The following NEK1 variants were observed in gnomAD, a reference collection of about 807,000 sequenced individuals.
NEK1 encodes serine/threonine-protein kinase Nek1.
A neutral mutation model predicts 182.1 loss-of-function variants in NEK1; 137 were observed. The observed-to-expected ratio is 0.75, with a 90% confidence interval of 0.65 to 0.87. The LOEUF (loss-of-function observed/expected upper bound fraction) is 0.87, where lower values mean the gene tolerates loss of function less well. NEK1 is among the 40% of genes least tolerant of loss of function. The probability of loss-of-function intolerance (pLI) is 0.00; values close to 1 mark genes in which losing one functional copy is unlikely to be tolerated. For synonymous variants in NEK1, 513 were observed against 492.2 expected, an observed-to-expected ratio of 1.04 and a Z score of -0.56; for missense variants, 1,391 against 1,494.4, an observed-to-expected ratio of 0.93 and a Z score of 1.14.
intron 6 of NEK1, 97 bp from the exon 7 acceptor site, chr4:169,589,611 T>C (rs954798546): frequency 6.3e-6 from 5 of 791,500 alleles, no homozygotes; most frequent in African/African-American, 1.8e-5. Context: ...GTTAAAAAAA[T>C]TGTGCTAGAG....
chr4:169,568,744 G>A (rs1438650002), intron 12 of NEK1, among the ~76,000 whole-genome samples: 1 of 151,978 alleles, frequency 6.6e-6, no homozygotes, highest in East Asian at 1.9e-4. Context: ...AGGCCAGCCT[G>A]GCCAACATGG....
chr4:169,426,156 G>A lies in NEK1; in HGVS notation c.2964C>T (p.Asp988=). ...GVSSTVDQLS[D]IHIEPGTNDS... ...TGCAATGATGCTTACCTATATGAAT[G>A]TCACTAAGTTGGTCCACAGTACTCG... The change falls in exon 30 of 36, where the codon GAC becomes GAT. Residue 988 remains aspartate (D), a synonymous_variant. Transcript: ENST00000507142. 1 of 1,612,562 alleles carries A rather than the reference G, an allele frequency of 6.2e-7. No homozygotes were observed.
chr4:169,454,609 C>A (rs939352705), intron 27 of NEK1, among the ~76,000 whole-genome samples: 1 of 152,110 alleles, frequency 6.6e-6, no homozygotes, highest in Admixed American at 6.6e-5. Flanking sequence ...TAGAGAAATG[C>A]AAATCAAAGC....
chr4:169,484,117 A>G (rs1003774950), intron 23 of NEK1, among the ~76,000 whole-genome samples: 10 of 152,248 alleles, frequency 6.6e-5, no homozygotes, highest in Admixed American at 4.6e-4. Flanking sequence ...TAAAAGAAAT[A>G]TACTTTGAAT....
rs973864338 is a variant in NEK1, at chr4:169,534,830, A to C, written c.1665+2979T>G. 1.3e-5 allele frequency among the ~76,000 whole-genome samples: 2 copies of C among 152,222 alleles called. 1 individual carries two copies. The stretch of plus-strand genomic sequence containing the variant: ...GGTATCCAACTACAAATTACCAGAC[A>C]TGTAAAGAAAAAAAGATGACCCTAA... On this transcript the variant is annotated intron_variant, in intron 19 of 35. Coordinates refer to ENST00000507142, the MANE Select transcript of NEK1 (RefSeq NM_001199397.3).
At chr4:169,471,464 A>G (rs543329481) in intron 26 of NEK1, among the ~76,000 whole-genome samples, 4 of 152,312 alleles carry the variant, frequency 2.6e-5, no homozygotes, top group Non-Finnish European at 5.9e-5. Flanking sequence ...GCTGCAGAAC[A>G]GCAAATATTG....
At chr4:169,549,354 C>T (rs1356334475) in intron 18 of NEK1, among the ~76,000 whole-genome samples, 1 of 152,228 alleles carries the variant, frequency 6.6e-6, no homozygotes. Context: ...AATCACACGC[C>T]TTCTGTGCCG....
Position 169,588,634 on chromosome 4 carries a change from T to A in NEK1, c.551+15A>T. ...GAAAGCAAATACATCACATAATGAA[T>A]ATCATTTTAAATACCTTTTATTATT... On this transcript the variant is annotated intron_variant, in intron 8 of 35. Transcript: ENST00000507142. 6.9e-7 allele frequency: 1 copy of A among 1,448,802 alleles called. No homozygotes were observed. The highest frequency in any genetic ancestry group is 9.5e-7 in the Non-Finnish European group (1 of 1,056,260). The allele number at this position is 1,448,802 out of a possible 1,614,324, so 89.7% of individuals were successfully genotyped here.
intron 23 of NEK1, among the ~76,000 whole-genome samples, chr4:169,496,900 A>T (rs1751420964): frequency 6.6e-6 from 1 of 152,226 alleles, no homozygotes. Flanking sequence ...CTTTGGTATC[A>T]GGATGATGTT....
intron 6 of NEK1, among the ~76,000 whole-genome samples, chr4:169,590,386 TA>T (rs1561471445): frequency 6.6e-6 from 1 of 151,778 alleles, no homozygotes; most frequent in African/African-American, 2.4e-5. Context: ...CCCATTTATA[TA>T]AAATGTCCAG....
intron 19 of NEK1, among the ~76,000 whole-genome samples, chr4:169,525,361 C>T (rs1033576864): frequency 2.6e-5 from 4 of 152,092 alleles, no homozygotes; most frequent in African/African-American, 9.7e-5. Flanking sequence ...AACTCCTGAC[C>T]TCAGGTGATC....
At chr4:169,609,060 C>CA (rs540854284) in intron 2 of NEK1, among the ~76,000 whole-genome samples, 14,516 of 82,202 alleles carry the variant, frequency 0.18, 970 homozygotes, top group East Asian at 0.25. Context: ...GACTCCTTCT[C>CA]AAAAAAAAAA....
At chr4:169,478,021 T>C (rs542780997) in intron 24 of NEK1, among the ~76,000 whole-genome samples, 1 of 152,166 alleles carries the variant, frequency 6.6e-6, no homozygotes, top group South Asian at 2.1e-4. Flanking sequence ...ACAAAGAGTG[T>C]AACAAAAATT....
At chr4:169,477,801 A>AAAATTAGAGGAAAAAGTAG (rs199894564) in intron 24 of NEK1, among the ~76,000 whole-genome samples, 1 of 151,852 alleles carries the variant, frequency 6.6e-6, no homozygotes, top group Non-Finnish European at 1.5e-5. Context: ...TTTAAGTCAG[A>AAAATTAGAGGAAAAAGTAG]AAATTAGAGG....
chr4:169,460,880 T>C (rs2049574294), intron 27 of NEK1, among the ~76,000 whole-genome samples: 1 of 152,114 alleles, frequency 6.6e-6, no homozygotes, highest in African/African-American at 2.4e-5. Flanking sequence ...TAAGACAAAC[T>C]GTTATGAAAA....
intron 19 of NEK1, among the ~76,000 whole-genome samples, chr4:169,511,893 T>C (rs1438459456): frequency 6.6e-6 from 1 of 152,150 alleles, no homozygotes; most frequent in Non-Finnish European, 1.5e-5. Flanking sequence ...TTTCATTCAA[T>C]ATAATTATAT....
intron 4 of NEK1, among the ~76,000 whole-genome samples, chr4:169,600,349 C>T (rs975972387): frequency 6.6e-6 from 1 of 152,044 alleles, no homozygotes; most frequent in Admixed American, 6.6e-5. Flanking sequence ...ACCACCACAC[C>T]TGGCTAATTT....
chr4:169,446,728 C>A (rs575680195), intron 27 of NEK1, among the ~76,000 whole-genome samples: 1 of 152,126 alleles, frequency 6.6e-6, no homozygotes, highest in African/African-American at 2.4e-5. Flanking sequence ...TAAAAAGAAT[C>A]AAGCAGAAAT....
rs1424346536 is a variant in NEK1 at position 169,589,489 on chromosome 4, G to C, written c.422C>G (p.Thr141Arg). Reference protein sequence around the residue: ...SQNIFLTKDGTVQLGDFGIAR... With the variant: ...SQNIFLTKDGRVQLGDFGIAR... ...AATTCCAAAATCTCCAAGTTGTACT[G>C]TTCCATCTTTAGTTAAAAATATGTT... is the stretch of plus-strand genomic sequence containing the variant. Residue 141 changes from threonine (T) to arginine (R), a missense_variant, in exon 7 of 36, where the codon ACA (threonine) becomes AGA (arginine). Physicochemically the swap from Thr to Arg is moderately conservative, Grantham distance 71. Coordinates refer to ENST00000507142, the MANE Select transcript of NEK1 (RefSeq NM_001199397.3). 6.6e-7 allele frequency: 1 copy of C among 1,506,722 alleles called. No homozygotes were observed. The highest frequency in any genetic ancestry group is 1.4e-5 in the African/African-American group (1 of 71,294). The allele number at this position is 1,506,722 out of a possible 1,614,324, so 93.3% of individuals were successfully genotyped here.
Sources: allele counts gnomAD v4.1 joint callset (sites outside exome capture counted in the v4.1 genomes callset), GRCh38; gene constraint gnomAD v4.1.1; transcripts MANE v1.5; gene names NCBI Gene and HGNC (gene_info 2026-07-23, HGNC 2026-07-21).